Variants in ARHGAP40 observed in about 807,000 individuals in gnomAD.
The protein encoded by ARHGAP40 is Rho GTPase activating protein 40.
Under a neutral mutation model 73.5 loss-of-function variants are expected in ARHGAP40, and 43 were observed. The ratio of observed to expected loss-of-function variants is 0.58; its 90% CI spans 0.46 to 0.75. The LOEUF is 0.75. Ranked by LOEUF, ARHGAP40 falls within the 30% of genes least tolerant of loss-of-function variation. The probability of loss-of-function intolerance (pLI) is 0.00; values close to 1 mark genes in which losing one functional copy is unlikely to be tolerated. For synonymous variants in ARHGAP40, 300 were observed against 352.8 expected, an observed-to-expected ratio of 0.85 and a Z score of 1.68; for missense variants, 734 against 861.8, an observed-to-expected ratio of 0.85 and a Z score of 1.86.
rs1033629929 is a variant in ARHGAP40 at position 38,646,356 on chromosome 20, C to T, written c.1710+169C>T. Among the ~76,000 whole-genome samples, 8 of 152,362 alleles carry T rather than the reference C, an allele frequency of 5.3e-5. No homozygotes were observed. In the East Asian group the frequency reaches 1.3e-3, roughly 26 times the overall value. ...CGTCACGGGGAGCGAGGAGGCGTGGCTGCGAAACGAGGGCTTAGAAGCGGG... is the reference window on the plus strand; with the variant it reads ...CGTCACGGGGAGCGAGGAGGCGTGGTTGCGAAACGAGGGCTTAGAAGCGGG... On this transcript the variant is annotated intron_variant, in intron 12 of 14. Coordinates refer to ENST00000373345, the Ensembl canonical transcript of ARHGAP40. This position sits in a 1 kb window ranked among gnomAD's most constrained non-coding sequence, Gnocchi z 4.5.
At chr20:38,631,632 G>A (rs182128696) in intron 5 of ARHGAP40, among the ~76,000 whole-genome samples, 11 of 152,244 alleles carry the variant, frequency 7.2e-5, no homozygotes, top group Admixed American at 3.9e-4. Context: ...GAGATTTGGC[G>A]GGGGACATAG....
At chr20:38,649,971 C>A (rs1036867650) in exon 15 of ARHGAP40, 3 of 639,048 alleles carry the variant, frequency 4.7e-6, no homozygotes, top group Non-Finnish European at 4.9e-6. Flanking sequence ...TCCAAGGCTT[C>A]CTTTTCTGAA....
rs565644560 is a variant in ARHGAP40, at chr20:38,637,964, G to T, written c.1041+165G>T. 1.3e-3 allele frequency among the ~76,000 whole-genome samples: 199 copies of T among 152,072 alleles called. 1 individual carries two copies. Among genetic ancestry groups the T allele is most frequent in the Non-Finnish European group, 2.2e-3 (151 of 67,988 alleles). ...GGCACTTGCTGGCTCAGAGACCTGGGGTGGATTTTTGCTGTTGTTGTTGTT... is the reference window on the plus strand; with the variant it reads ...GGCACTTGCTGGCTCAGAGACCTGGTGTGGATTTTTGCTGTTGTTGTTGTT... On this transcript the variant is annotated intron_variant, in intron 7 of 14. Transcript: ENST00000373345.
At chr20:38,618,038 A>G (rs1352657244) in intron 1 of ARHGAP40, among the ~76,000 whole-genome samples, 1 of 152,164 alleles carries the variant, frequency 6.6e-6, no homozygotes, top group African/African-American at 2.4e-5. Context: ...TGACGTTGCT[A>G]ATAAACAACA....
intron 5 of ARHGAP40, among the ~76,000 whole-genome samples, chr20:38,633,605 C>A (rs1291864735): frequency 2.0e-5 from 3 of 152,196 alleles, no homozygotes; most frequent in African/African-American, 7.2e-5. Context: ...GGGGATGTGA[C>A]TCCATAGCCC....
At chr20:38,606,199 TTA>T (rs1255018390) in intron 1 of ARHGAP40, among the ~76,000 whole-genome samples, 1 of 152,242 alleles carries the variant, frequency 6.6e-6, no homozygotes, top group Non-Finnish European at 1.5e-5. Flanking sequence ...ATGTTTCATT[TTA>T]TGACTGGACA....
exon 2 of ARHGAP40, chr20:38,623,370 C>T: frequency 3.1e-6 from 4 of 1,289,970 alleles, no homozygotes; most frequent in Non-Finnish European, 4.0e-6. Flanking sequence ...TCTGGCCCCT[C>T]CTCAGGCCGA....
intron 5 of ARHGAP40, among the ~76,000 whole-genome samples, chr20:38,630,446 C>G (rs976210881): frequency 2.0e-5 from 3 of 152,118 alleles, no homozygotes; most frequent in African/African-American, 7.2e-5. Context: ...GTCTCAAACT[C>G]CTGGGCTCAA....
chr20:38,609,681 A>G (rs1335710604), intron 1 of ARHGAP40, among the ~76,000 whole-genome samples: 1 of 152,218 alleles, frequency 6.6e-6, no homozygotes, highest in Non-Finnish European at 1.5e-5. Context: ...CAAAGTAGGC[A>G]CTGAGCAGGC....
At chr20:38,618,665 T>G (rs1035776053) in intron 1 of ARHGAP40, among the ~76,000 whole-genome samples, 1 of 152,066 alleles carries the variant, frequency 6.6e-6, no homozygotes, top group Non-Finnish European at 1.5e-5. Context: ...ACTCAAATGA[T>G]TCAAGGGTGA....
exon 2 of ARHGAP40, chr20:38,623,369 T>A: frequency 1.6e-6 from 2 of 1,289,796 alleles, no homozygotes; most frequent in Non-Finnish European, 2.0e-6. Context: ...CTCTGGCCCC[T>A]CCTCAGGCCG....
intron 2 of ARHGAP40, among the ~76,000 whole-genome samples, chr20:38,624,308 C>A (rs752543163): frequency 6.6e-6 from 1 of 152,082 alleles, no homozygotes; most frequent in African/African-American, 2.4e-5. Flanking sequence ...GGGTTCCAAG[C>A]ACAAGACCAA....
chr20:38,635,881 A>G (rs1016890687), intron 6 of ARHGAP40, among the ~76,000 whole-genome samples: 2 of 152,194 alleles, frequency 1.3e-5, no homozygotes, highest in Non-Finnish European at 2.9e-5. Flanking sequence ...TCACATGTTT[A>G]TGAGTAAACT....
chr20:38,608,851 G>A (rs11905751), intron 1 of ARHGAP40, among the ~76,000 whole-genome samples: 4,804 of 152,200 alleles, frequency 0.032, 243 homozygotes, highest in African/African-American at 0.11. Flanking sequence ...GGAGGCTCTC[G>A]GGGACAATCA....
At chr20:38,607,240 C>T (rs140426626) in intron 1 of ARHGAP40, among the ~76,000 whole-genome samples, 1 of 152,286 alleles carries the variant, frequency 6.6e-6, no homozygotes, top group African/African-American at 2.4e-5. Flanking sequence ...GTCCTAAATC[C>T]TCCACTCATC....
intron 2 of ARHGAP40, among the ~76,000 whole-genome samples, chr20:38,624,783 C>T (rs1447976997): frequency 2.6e-5 from 4 of 152,190 alleles, no homozygotes; most frequent in African/African-American, 9.7e-5. Context: ...AAAATAGCAC[C>T]CCTGCCCCAT....
chr20:38,631,424 T>A (rs1248068882), intron 5 of ARHGAP40, among the ~76,000 whole-genome samples: 1 of 151,296 alleles, frequency 6.6e-6, no homozygotes, highest in South Asian at 2.1e-4. Context: ...GGCCTCACAA[T>A]CATGGTGGAA....
intron 1 of ARHGAP40, among the ~76,000 whole-genome samples, chr20:38,620,969 G>A (rs2088870581): frequency 6.6e-6 from 1 of 152,232 alleles, no homozygotes; most frequent in East Asian, 1.9e-4. Context: ...ACATTGTTAA[G>A]AATTTTGAGA....
chr20:38,616,251 C>T (rs568450789), intron 1 of ARHGAP40, among the ~76,000 whole-genome samples: 3 of 152,380 alleles, frequency 2.0e-5, no homozygotes, highest in East Asian at 1.9e-4. Flanking sequence ...CAAAGTAAAG[C>T]TTGGCACTGC....
Sources: allele counts gnomAD v4.1 joint callset (sites outside exome capture counted in the v4.1 genomes callset), GRCh38; gene constraint gnomAD v4.1.1; non-coding constraint Gnocchi (gnomAD v3.1); transcripts MANE v1.5; gene names NCBI Gene and HGNC (gene_info 2026-07-23, HGNC 2026-07-21).